The following SH3KBP1 variants were observed in gnomAD, a reference collection of about 807,000 sequenced individuals.
SH3KBP1 encodes SH3 domain containing kinase binding protein 1, also known as SH3 domain-containing kinase-binding protein 1.
Under a neutral mutation model 50.1 loss-of-function variants are expected in SH3KBP1, and 8 were observed. The ratio of observed to expected loss-of-function variants is 0.16; its 90% CI spans 0.09 to 0.29. The LOEUF (loss-of-function observed/expected upper bound fraction) is 0.29. SH3KBP1 is among the 10% of genes least tolerant of loss of function. SH3KBP1 has a pLI of 1.00. For synonymous variants in SH3KBP1, 227 were observed against 218.6 expected (o/e 1.04, Z -0.34); for missense variants, 377 against 535.2 (o/e 0.70, Z 2.92).
intron 16 of SH3KBP1, among the ~76,000 whole-genome samples, chrX:19,538,933 G>A (rs1301377322): frequency 8.9e-6 from 1 of 112,103 alleles, no homozygotes; most frequent in African/African-American, 3.2e-5. Flanking sequence ...AAAGGTTACT[G>A]GTACGTTTTC....
At chrX:19,605,451 C>T (rs1159385781) in intron 9 of SH3KBP1, among the ~76,000 whole-genome samples, 1 of 111,814 alleles carries the variant, frequency 8.9e-6, no homozygotes, top group East Asian at 2.8e-4. Flanking sequence ...AGATGGTATG[C>T]TTGCTAAGAT....
chrX:19,813,498 G>A (rs193065213), intron 2 of SH3KBP1, among the ~76,000 whole-genome samples: 1 of 111,614 alleles, frequency 9.0e-6, no homozygotes, highest in African/African-American at 3.3e-5. Context: ...ATAAGAACAC[G>A]CAAGAGTTAC....
intron 4 of SH3KBP1, among the ~76,000 whole-genome samples, chrX:19,706,487 G>A (rs1038795859): frequency 9.0e-6 from 1 of 110,632 alleles, no homozygotes; most frequent in Non-Finnish European, 1.9e-5. Flanking sequence ...TCTAAGAAAT[G>A]TCACTCCTTT....
At chrX:19,755,937 C>T (rs1279303307) in intron 2 of SH3KBP1, among the ~76,000 whole-genome samples, 2 of 111,621 alleles carry the variant, frequency 1.8e-5, no homozygotes, top group South Asian at 3.7e-4. Context: ...GACCCTCTCA[C>T]GCAGACCCCC....
intron 1 of SH3KBP1, among the ~76,000 whole-genome samples, chrX:19,883,261 G>T (rs902463302): frequency 1.8e-5 from 2 of 112,341 alleles, no homozygotes; most frequent in African/African-American, 6.5e-5. Context: ...ACTGGCCTGG[G>T]GCCACCCTCT....
intron 1 of SH3KBP1, among the ~76,000 whole-genome samples, chrX:19,872,158 G>A (rs758839308): frequency 1.0e-4 from 11 of 105,399 alleles, no homozygotes; most frequent in South Asian, 8.6e-4. Context: ...AGGCTGAGGC[G>A]GGAGAATCGC....
At chrX:19,870,021 G>C (rs946868924) in intron 1 of SH3KBP1, among the ~76,000 whole-genome samples, 1 of 111,901 alleles carries the variant, frequency 8.9e-6, no homozygotes, top group African/African-American at 3.3e-5. Flanking sequence ...GGGGAGAAAG[G>C]GTAAGTATAC....
intron 7 of SH3KBP1, among the ~76,000 whole-genome samples, chrX:19,635,625 T>C (rs1012165445): frequency 6.4e-5 from 7 of 109,892 alleles, no homozygotes; most frequent in Non-Finnish European, 1.3e-4. Flanking sequence ...TGCAAAAAAA[T>C]TATTAACTCT....
intron 8 of SH3KBP1, among the ~76,000 whole-genome samples, chrX:19,615,635 C>T (rs961600372): frequency 1.8e-5 from 2 of 112,150 alleles, no homozygotes; most frequent in African/African-American, 6.5e-5. Context: ...AACACCTCCC[C>T]AAGAGATGCA....
chrX:19,835,145 CCTTTA>C (rs1169673589), intron 2 of SH3KBP1, among the ~76,000 whole-genome samples: 25 of 111,106 alleles, frequency 2.3e-4, no homozygotes, highest in Admixed American at 9.6e-4. Flanking sequence ...TTGGATTCTA[CCTTTA>C]CTTATTTGTT....
chrX:19,721,068 C>T (rs769535081), intron 3 of SH3KBP1, among the ~76,000 whole-genome samples: 2 of 111,056 alleles, frequency 1.8e-5, no homozygotes, highest in Non-Finnish European at 3.8e-5. Context: ...TAAATTTTGA[C>T]TCATTTTTAA....
At chrX:19,588,426 C>A (rs1354384752) in intron 12 of SH3KBP1, 2 of 1,144,212 alleles carry the variant, frequency 1.7e-6, no homozygotes, top group South Asian at 4.1e-5. Flanking sequence ...AAACCCACAC[C>A]GCACCCCTCA....
In SH3KBP1 at chrX:19,843,681, G is replaced by A. The variant is rs768961817; in HGVS notation, c.5-7399C>T. ...TGGGCCTGAACTCTCTCCCTGGGCA[G>A]GAGGCAGCACACCTGTGGCTGGATG... is the stretch of plus-strand genomic sequence containing the variant. On this transcript the variant is annotated intron_variant, in intron 1 of 17. Coordinates refer to ENST00000397821, the MANE Select transcript of SH3KBP1 (RefSeq NM_031892.3). Among the ~76,000 whole-genome samples, 13 of 111,727 alleles carry A rather than the reference G, an allele frequency of 1.2e-4. No individual in the cohort carries two copies. The East Asian group carries it at 3.7e-3, about 32-fold the overall frequency.
intron 2 of SH3KBP1, among the ~76,000 whole-genome samples, chrX:19,770,545 C>T (rs142651581): frequency 2.7e-5 from 3 of 111,363 alleles, no homozygotes; most frequent in Non-Finnish European, 5.7e-5. Context: ...TATATTCCTT[C>T]GGGTATATAC....
intron 3 of SH3KBP1, among the ~76,000 whole-genome samples, chrX:19,732,542 G>A (rs2064411136): frequency 9.2e-6 from 1 of 108,429 alleles, no homozygotes; most frequent in Non-Finnish European, 1.9e-5. Context: ...TCAAAGCTGT[G>A]TTGTTCAAGG....
At chrX:19,750,529 C>T (rs990651272) in intron 2 of SH3KBP1, among the ~76,000 whole-genome samples, 1 of 112,368 alleles carries the variant, frequency 8.9e-6, no homozygotes. Context: ...TTCATTCAAA[C>T]ACTTTTCAAA....
chrX:19,680,192 T>C (rs971207166), intron 6 of SH3KBP1, among the ~76,000 whole-genome samples: 3 of 109,637 alleles, frequency 2.7e-5, no homozygotes, highest in Non-Finnish European at 5.7e-5. Flanking sequence ...CTGGTCAACG[T>C]GGTGAAACCC....
At position 19,683,936 on chromosome X, in the gene SH3KBP1, T is replaced by C. The variant is rs1260051952; in HGVS notation, c.613A>G (p.Ile205Val). The change falls in exon 6 of 18, where the codon ATC becomes GTC. Residue 205 changes from isoleucine (I) to valine (V), a missense_variant. Physicochemically the swap from Ile to Val is conservative, Grantham distance 29 (BLOSUM62 3). This residue lies in a region of SH3KBP1 where 257 missense variants were observed against 374.2 expected (regional missense o/e 0.69). Coordinates refer to ENST00000397821, the MANE Select transcript of SH3KBP1 (RefSeq NM_031892.3). ...GANGTVATAA[I>V]QPKKVKGVGF... Reference sequence around the variant, plus strand: ...ACTCCCTTAACTTTCTTGGGCTGGATTGCTGCAGTTGCCACTGTCCCGTTG... The same window carrying C: ...ACTCCCTTAACTTTCTTGGGCTGGACTGCTGCAGTTGCCACTGTCCCGTTG... The C allele has an allele frequency of 1.4e-5, 17 of 1,209,162 alleles. No individual in the cohort carries two copies. The highest frequency in any genetic ancestry group is 1.9e-5 in the Non-Finnish European group (17 of 894,316).
chrX:19,548,234 T>C (rs1389570959), intron 14 of SH3KBP1, among the ~76,000 whole-genome samples: 3 of 112,532 alleles, frequency 2.7e-5, no homozygotes, highest in African/African-American at 9.7e-5. Context: ...ATGGGATGTA[T>C]GGACCAAAGG....
Sources: allele counts gnomAD v4.1 joint callset (sites outside exome capture counted in the v4.1 genomes callset), GRCh38; gene constraint gnomAD v4.1.1; regional missense constraint gnomAD v4.1.1; transcripts MANE v1.5; gene names NCBI Gene and HGNC (gene_info 2026-07-23, HGNC 2026-07-21).